Variants in PALM2AKAP2 observed in about 807,000 individuals in gnomAD.
PALM2AKAP2 encodes the protein PALM2 and AKAP2 fusion.
Under a neutral mutation model 71.5 loss-of-function variants are expected in PALM2AKAP2, and 37 were observed. The observed-to-expected ratio is 0.52, with a 90% CI of 0.40 to 0.68. PALM2AKAP2 has a LOEUF of 0.68. Ranked by LOEUF, PALM2AKAP2 falls within the 30% of genes least tolerant of loss-of-function variation. The pLI is 0.00. For missense variants in PALM2AKAP2, 1,224 were observed against 1,191.8 expected (o/e 1.03, Z -0.40); for synonymous variants, 468 against 478.8 (o/e 0.98, Z 0.29).
chr9:109,899,689 C>T (rs1830286401), intron 3 of PALM2AKAP2, among the ~76,000 whole-genome samples: 1 of 152,180 alleles, frequency 6.6e-6, no homozygotes, highest in Admixed American at 6.5e-5. Context: ...TTGCTGACCA[C>T]TCCAGCAACT....
At chr9:109,724,473 C>G (rs542851982) in intron 1 of PALM2AKAP2, among the ~76,000 whole-genome samples, 2 of 152,032 alleles carry the variant, frequency 1.3e-5, no homozygotes, top group Non-Finnish European at 2.9e-5. Flanking sequence ...GCTTGCTTAA[C>G]CAGATCAAAA....
At chr9:110,043,709 T>C (rs1833544213), upstream of PALM2AKAP2, among the ~76,000 whole-genome samples, 1 of 144,174 alleles carries the variant, frequency 6.9e-6, no homozygotes, top group South Asian at 2.1e-4. Flanking sequence ...ACTACGTTTT[T>C]TTTGGTGTTT....
At chr9:109,720,010 A>T (rs1828381993) in intron 1 of PALM2AKAP2, among the ~76,000 whole-genome samples, 1 of 150,648 alleles carries the variant, frequency 6.6e-6, no homozygotes, top group Non-Finnish European at 1.5e-5. Flanking sequence ...TTTTTTTGAG[A>T]TGGAGTCTCA....
chr9:109,703,811 G>A (rs960103824), intron 1 of PALM2AKAP2, among the ~76,000 whole-genome samples: 12 of 150,560 alleles, frequency 8.0e-5, no homozygotes, highest in Non-Finnish European at 1.6e-4. Flanking sequence ...TAACCTACTT[G>A]AGAATATGTT....
At chr9:109,896,490 A>C (rs1178585089) in intron 3 of PALM2AKAP2, among the ~76,000 whole-genome samples, 1 of 152,148 alleles carries the variant, frequency 6.6e-6, no homozygotes, top group African/African-American at 2.4e-5. Flanking sequence ...TCCTGTGTGC[A>C]GTGGAGTCAT....
intron 1 of PALM2AKAP2, among the ~76,000 whole-genome samples, chr9:110,083,720 A>G (rs183566701): frequency 2.0e-5 from 3 of 152,368 alleles, no homozygotes; most frequent in African/African-American, 7.2e-5. Flanking sequence ...AAGAATAAAA[A>G]TGGGCTTGAC....
At chr9:109,802,438 A>G (rs1827458455) in intron 1 of PALM2AKAP2, among the ~76,000 whole-genome samples, 1 of 152,212 alleles carries the variant, frequency 6.6e-6, no homozygotes, top group Non-Finnish European at 1.5e-5. Flanking sequence ...AGAGTCCCAG[A>G]CACCAGCCAG....
At chr9:109,706,945 TA>T (rs1828154296) in intron 1 of PALM2AKAP2, among the ~76,000 whole-genome samples, 1 of 152,188 alleles carries the variant, frequency 6.6e-6, no homozygotes, top group African/African-American at 2.4e-5. Context: ...TTTTGGGTGA[TA>T]AAAATATTCT....
At position 109,888,926 on chromosome 9, in the gene PALM2AKAP2, T is replaced by C. The variant is rs554205641; in HGVS notation, c.257+8245T>C. 1.7e-4 allele frequency among the ~76,000 whole-genome samples: 26 copies of C among 152,234 alleles called. No homozygotes were observed. The East Asian group carries it at 5.0e-3, about 29-fold the overall frequency. ...CACCATTGCCCTTTCCCAGTCATGA[T>C]AATAAAACATGTCTCCAGACATTGC... On this transcript the variant is annotated intron_variant, in intron 3 of 9. Coordinates refer to the PALM2AKAP2 transcript ENST00000302798.
At chr9:110,117,428 A>G (rs894564275) in intron 1 of PALM2AKAP2, among the ~76,000 whole-genome samples, 1 of 152,110 alleles carries the variant, frequency 6.6e-6, no homozygotes, top group Non-Finnish European at 1.5e-5. Flanking sequence ...CCCTGCCAAT[A>G]ATCCACATCT....
exon 2 of PALM2AKAP2, chr9:110,137,874 A>C: frequency 6.2e-7 from 1 of 1,614,124 alleles, no homozygotes; most frequent in East Asian, 2.2e-5. Context: ...TCATTTAGTG[A>C]TCATGGTTTC....
At chr9:109,729,002 A>G (rs1281330932) in intron 1 of PALM2AKAP2, among the ~76,000 whole-genome samples, 1 of 152,204 alleles carries the variant, frequency 6.6e-6, no homozygotes, top group Admixed American at 6.5e-5. Context: ...TGTTAAACTG[A>G]GATAGTCCTG....
chr9:109,651,654 G>A (rs1011390636), intron 1 of PALM2AKAP2, among the ~76,000 whole-genome samples: 2 of 152,070 alleles, frequency 1.3e-5, no homozygotes, highest in South Asian at 4.1e-4. Context: ...GGACCTCAAG[G>A]TTCCAATATA....
chr9:109,810,245 G>A (rs1015593854), intron 1 of PALM2AKAP2, among the ~76,000 whole-genome samples: 5 of 152,152 alleles, frequency 3.3e-5, no homozygotes, highest in African/African-American at 1.2e-4. Context: ...CTTCAAGCTA[G>A]GAGGTTGGAT....
intron 6 of PALM2AKAP2, among the ~76,000 whole-genome samples, chr9:109,950,265 C>A (rs941437177): frequency 2.6e-5 from 4 of 151,884 alleles, no homozygotes; most frequent in African/African-American, 9.7e-5. Flanking sequence ...TCCATTCCAG[C>A]CTGGGCAACA....
intron 3 of PALM2AKAP2, among the ~76,000 whole-genome samples, chr9:109,886,402 C>A (rs933962315): frequency 3.9e-5 from 6 of 152,192 alleles, no homozygotes; most frequent in African/African-American, 1.4e-4. Flanking sequence ...GATTCTCTTT[C>A]ATTTCACTGG....
chr9:109,927,780 G>T (rs1830990801), intron 5 of PALM2AKAP2, among the ~76,000 whole-genome samples: 1 of 152,340 alleles, frequency 6.6e-6, no homozygotes, highest in Non-Finnish European at 1.5e-5. Flanking sequence ...TTATATAGCA[G>T]AACGCTCATC....
intron 2 of PALM2AKAP2, 40 bp downstream of exon 8, chr9:110,138,579 A>C (rs1027949247): frequency 1.3e-6 from 2 of 1,522,168 alleles, no homozygotes; most frequent in African/African-American, 2.8e-5. Flanking sequence ...ATGCCACAGC[A>C]GTCTGTTGTT....
intron 1 of PALM2AKAP2, among the ~76,000 whole-genome samples, chr9:109,843,009 G>A (rs537588218): frequency 2.1e-4 from 32 of 151,720 alleles, no homozygotes; most frequent in East Asian, 1.9e-3. Context: ...GCGTGGTGGC[G>A]CATGCTTGTA....
Sources: gnomAD v4.1 joint callset for allele counts (sites outside exome capture counted in the v4.1 genomes callset) on GRCh38, gnomAD v4.1.1 for gene constraint, MANE v1.5 for transcripts, NCBI Gene and HGNC (gene_info 2026-07-23, HGNC 2026-07-21) for gene names.